Variants in FOXP2 observed in about 807,000 individuals in gnomAD.
FOXP2 encodes the protein forkhead box protein P2.
In FOXP2, 12 loss-of-function variants were observed where a neutral mutation model predicts 115.8. That is an observed-to-expected ratio of 0.10 (90% CI 0.07 to 0.17). The LOEUF (loss-of-function observed/expected upper bound fraction) is 0.17. Ranked by LOEUF, FOXP2 falls within the 10% of genes least tolerant of loss-of-function variation. The pLI is 1.00. For missense variants in FOXP2, 629 were observed against 843.5 expected (o/e 0.75, Z 3.15); for synonymous variants, 328 against 297.7 (o/e 1.10, Z -1.05).
chr7:114,297,080 C>T, intron 2 of FOXP2: 1 of 410,592 alleles, frequency 2.4e-6, no homozygotes, highest in South Asian at 2.0e-5. Flanking sequence ...TCAAGCTGCC[C>T]TTTATTTCAG....
intron 1 of FOXP2, among the ~76,000 whole-genome samples, chr7:114,216,473 A>G (rs536491109): frequency 6.6e-6 from 1 of 152,282 alleles, no homozygotes; most frequent in East Asian, 1.9e-4. Flanking sequence ...GTTAAAAATA[A>G]TAAGAAAAGC....
rs201383128 is a variant in FOXP2 at position 114,390,549 on chromosome 7, G to T, written c.-10-35953G>T. On this transcript the variant is annotated intron_variant, in intron 2 of 17. Transcript: ENST00000634411. ...ATTTATTTATTTATTTATTTATTTA[G>T]TGAGTTAGTTAGTTGGTTATTTGAG... is the stretch of plus-strand genomic sequence containing the variant. Among the ~76,000 whole-genome samples the T allele has an allele frequency of 8.6e-3, 106 of 12,264 alleles. No individual in the cohort carries two copies. In the East Asian group the frequency reaches 0.16, roughly 18 times the overall value. 8.0% of individuals were successfully genotyped at this position (12,264 alleles called of 152,430 possible).
At chr7:114,591,135 G>C (rs1005797310) in intron 3 of FOXP2, among the ~76,000 whole-genome samples, 4 of 152,114 alleles carry the variant, frequency 2.6e-5, no homozygotes, top group Admixed American at 1.3e-4. Flanking sequence ...AGTAGAGTAA[G>C]TTAAAGTCCA....
chr7:114,200,680 G>A (rs1010223123), intron 1 of FOXP2, among the ~76,000 whole-genome samples: 2 of 152,126 alleles, frequency 1.3e-5, no homozygotes, highest in African/African-American at 4.8e-5. Flanking sequence ...GGAAGCAATG[G>A]TATATTTTAG....
intron 1 of FOXP2, among the ~76,000 whole-genome samples, chr7:114,169,559 TG>T (rs1205535957): frequency 3.3e-5 from 5 of 152,146 alleles, no homozygotes; most frequent in African/African-American, 1.2e-4. Flanking sequence ...TGCAGGTTCA[TG>T]GGGGGAAGGG....
At chr7:114,437,849 CTCAGTTCAGT>C (rs1283847250) in intron 2 of FOXP2, among the ~76,000 whole-genome samples, 2 of 152,044 alleles carry the variant, frequency 1.3e-5, no homozygotes, top group Non-Finnish European at 2.9e-5. Context: ...CTCAGTTCTG[CTCAGTTCAGT>C]TCAGTTCAGT....
At chr7:114,262,046 G>A (rs141658106) in intron 1 of FOXP2, among the ~76,000 whole-genome samples, 2,138 of 152,008 alleles carry the variant, frequency 0.014, 34 homozygotes, top group African/African-American at 0.037. Flanking sequence ...TGATAAGAGC[G>A]AGACTCTGTC....
At chr7:114,311,938 T>C (rs1373696607) in intron 2 of FOXP2, among the ~76,000 whole-genome samples, 1 of 152,160 alleles carries the variant, frequency 6.6e-6, no homozygotes, top group Non-Finnish European at 1.5e-5. Context: ...TCATAGTTCT[T>C]AGTGCCTCCT....
At chr7:114,319,205 A>G (rs1312565389) in intron 2 of FOXP2, among the ~76,000 whole-genome samples, 1 of 152,060 alleles carries the variant, frequency 6.6e-6, no homozygotes, top group Non-Finnish European at 1.5e-5. Flanking sequence ...TTATACTGGA[A>G]GGTGTCCTTG....
At chr7:114,339,645 C>G (rs1027877897) in intron 2 of FOXP2, among the ~76,000 whole-genome samples, 2 of 150,930 alleles carry the variant, frequency 1.3e-5, no homozygotes, top group African/African-American at 2.4e-5. Flanking sequence ...TCTTGATTCT[C>G]CAGTATCAAA....
At chr7:114,434,666 C>T (rs975529905) in intron 2 of FOXP2, among the ~76,000 whole-genome samples, 2 of 151,808 alleles carry the variant, frequency 1.3e-5, no homozygotes, top group African/African-American at 2.4e-5. Flanking sequence ...GTCGAGCAGC[C>T]TGTTTCGTTA....
chr7:114,346,167 A>G (rs1254646301), intron 2 of FOXP2, among the ~76,000 whole-genome samples: 1 of 151,864 alleles, frequency 6.6e-6, no homozygotes, highest in Non-Finnish European at 1.5e-5. Context: ...ATAATTTATC[A>G]GGAGTAATTT....
intron 3 of FOXP2, among the ~76,000 whole-genome samples, chr7:114,609,529 G>C (rs766415700): frequency 6.6e-6 from 1 of 152,162 alleles, no homozygotes; most frequent in East Asian, 1.9e-4. Flanking sequence ...TTCGAGCATA[G>C]CTTGAACAGT....
At chr7:114,449,119 A>G (rs1794961819) in intron 2 of FOXP2, among the ~76,000 whole-genome samples, 1 of 152,072 alleles carries the variant, frequency 6.6e-6, no homozygotes, top group Non-Finnish European at 1.5e-5. Context: ...ATAATGTAGA[A>G]CAATGACACA....
At chr7:114,563,302 T>C (rs1800844440) in intron 3 of FOXP2, among the ~76,000 whole-genome samples, 1 of 152,192 alleles carries the variant, frequency 6.6e-6, no homozygotes, top group Non-Finnish European at 1.5e-5. Context: ...AATTCAATTC[T>C]TACCTTAGTA....
intron 3 of FOXP2, among the ~76,000 whole-genome samples, chr7:114,574,783 G>A (rs1801491983): frequency 6.6e-6 from 1 of 151,968 alleles, no homozygotes; most frequent in Admixed American, 6.6e-5. Context: ...CTTTGTCTTT[G>A]GCTCTTATTT....
intron 2 of FOXP2, among the ~76,000 whole-genome samples, chr7:114,394,821 G>A (rs1432658213): frequency 6.6e-6 from 1 of 152,170 alleles, no homozygotes; most frequent in Non-Finnish European, 1.5e-5. Flanking sequence ...TTCGAGACTG[G>A]AGCTGACTAA....
intron 16 of FOXP2, among the ~76,000 whole-genome samples, chr7:114,678,443 A>G (rs1444781931): frequency 4.0e-5 from 6 of 151,266 alleles, no homozygotes; most frequent in African/African-American, 4.9e-5. Context: ...AAGTTTACCA[A>G]TTATTTGGAG....
rs190045691 is a variant in FOXP2, at chr7:114,487,674, G to C, written c.169-46943G>C. On this transcript the variant is annotated intron_variant, in intron 2 of 16. Transcript: ENST00000350908. The stretch of plus-strand genomic sequence containing the variant: ...CCCCAAATCATCTCTCAAGTTCAAA[G>C]TTCCACATATTGCTAGGGCATGGGC... 2.0e-4 allele frequency among the ~76,000 whole-genome samples: 31 copies of C among 152,224 alleles called. No individual in the cohort carries two copies. The East Asian group carries it at 5.2e-3, about 26-fold the overall frequency.
Sources: allele counts gnomAD v4.1 joint callset (sites outside exome capture counted in the v4.1 genomes callset), GRCh38; gene constraint gnomAD v4.1.1; transcripts MANE v1.5; gene names NCBI Gene and HGNC (gene_info 2026-07-23, HGNC 2026-07-21).